LSAMP: variants seen among roughly 807,000 people sequenced by gnomAD.
The protein encoded by LSAMP is limbic system-associated membrane protein.
Under a neutral mutation model 38.6 loss-of-function variants are expected in LSAMP, and 7 were observed. That is an observed-to-expected ratio of 0.18 (90% CI 0.10 to 0.34). The LOEUF is 0.34. Ranked by LOEUF, LSAMP falls within the 10% of genes least tolerant of loss-of-function variation. The pLI, the probability that LSAMP is intolerant of heterozygous loss-of-function variation, is 1.00. For missense variants in LSAMP, 313 were observed against 420.0 expected (o/e 0.75, Z 2.23); for synonymous variants, 154 against 166.8 (o/e 0.92, Z 0.59).
At chr3:116,019,751 G>T (rs1940586287) in intron 2 of LSAMP, 111 bp from the exon 3 acceptor site, 3 of 1,190,976 alleles carry the variant, frequency 2.5e-6, no homozygotes, top group Non-Finnish European at 3.6e-6. Flanking sequence ...TTGAATTTCT[G>T]TGTTAAGAAG....
At chr3:115,859,001 A>G (rs1935591700) in intron 3 of LSAMP, among the ~76,000 whole-genome samples, 1 of 152,222 alleles carries the variant, frequency 6.6e-6, no homozygotes, top group Non-Finnish European at 1.5e-5. Context: ...CACGTTCTAC[A>G]CAAAAATGCT....
intron 1 of LSAMP, among the ~76,000 whole-genome samples, chr3:116,431,637 A>C (rs2049282547): frequency 1.3e-5 from 2 of 152,092 alleles, no homozygotes; most frequent in Non-Finnish European, 1.5e-5. Context: ...TCAGTCTTAC[A>C]GCTGAACTTG....
intron 1 of LSAMP, among the ~76,000 whole-genome samples, chr3:116,287,013 C>T (rs2047203821): frequency 6.6e-6 from 1 of 152,018 alleles, no homozygotes; most frequent in Non-Finnish European, 1.5e-5. Context: ...TGGAATATTC[C>T]TCTCCAGTCT....
At chr3:116,317,873 C>T (rs916805222) in intron 1 of LSAMP, among the ~76,000 whole-genome samples, 2 of 151,424 alleles carry the variant, frequency 1.3e-5, no homozygotes, top group African/African-American at 4.8e-5. Flanking sequence ...CGGTGGCTCA[C>T]GGCTGTAATC....
intron 3 of LSAMP, among the ~76,000 whole-genome samples, chr3:115,878,816 C>T (rs67884350): frequency 0.14 from 21,866 of 151,818 alleles, 1,874 homozygotes; most frequent in African/African-American, 0.24. Flanking sequence ...CAATGGTGGC[C>T]CATGTCACCA....
At chr3:116,011,872 G>A (rs890478218) in intron 3 of LSAMP, among the ~76,000 whole-genome samples, 1 of 152,112 alleles carries the variant, frequency 6.6e-6, no homozygotes, top group African/African-American at 2.4e-5. Context: ...CTTTGCTTCT[G>A]ACAACCCTGG....
intron 1 of LSAMP, among the ~76,000 whole-genome samples, chr3:116,101,878 C>A (rs1708355544): frequency 6.6e-6 from 1 of 151,990 alleles, no homozygotes; most frequent in South Asian, 2.1e-4. Context: ...GACTTAGAGG[C>A]TTATATTTAA....
At chr3:116,325,591 C>A (rs1171112595) in intron 1 of LSAMP, among the ~76,000 whole-genome samples, 5 of 152,116 alleles carry the variant, frequency 3.3e-5, no homozygotes, top group African/African-American at 4.8e-5. Context: ...ATAACAGGAA[C>A]AAACAGAAGA....
chr3:116,368,632 G>C (rs1458033027), intron 1 of LSAMP, among the ~76,000 whole-genome samples: 3 of 152,144 alleles, frequency 2.0e-5, no homozygotes, highest in Admixed American at 2.0e-4. Flanking sequence ...TCAACAAGCT[G>C]TTTCAGTCAA....
intron 6 of LSAMP, among the ~76,000 whole-genome samples, chr3:115,819,439 A>G (rs1380504521): frequency 2.6e-5 from 4 of 151,966 alleles, no homozygotes; most frequent in African/African-American, 4.8e-5. Context: ...AAAAAAAAAA[A>G]GTGACAGGAA....
chr3:115,854,929 T>C (rs967432069), intron 3 of LSAMP, among the ~76,000 whole-genome samples: 1 of 152,218 alleles, frequency 6.6e-6, no homozygotes, highest in African/African-American at 2.4e-5. Context: ...AGAATAATGG[T>C]AAATTTTAAT....
intron 1 of LSAMP, among the ~76,000 whole-genome samples, chr3:116,427,399 C>T (rs1029395717): frequency 1.3e-5 from 2 of 152,012 alleles, no homozygotes; most frequent in African/African-American, 4.8e-5. Context: ...GGATTACAGG[C>T]GTGAGCCACC....
At chr3:116,264,766 T>C (rs527363785) in intron 1 of LSAMP, among the ~76,000 whole-genome samples, 1 of 152,286 alleles carries the variant, frequency 6.6e-6, no homozygotes, top group African/African-American at 2.4e-5. Flanking sequence ...CTTGCCCAGC[T>C]ATTTTCTAAT....
intron 3 of LSAMP, among the ~76,000 whole-genome samples, chr3:115,931,665 T>A (rs1576230491): frequency 6.6e-6 from 1 of 152,344 alleles, no homozygotes; most frequent in Middle Eastern, 3.4e-3. Flanking sequence ...GAAAGATGCA[T>A]GGAATATCTA....
chr3:115,832,629 TA>T (rs1383665236), intron 6 of LSAMP, among the ~76,000 whole-genome samples: 1 of 152,184 alleles, frequency 6.6e-6, no homozygotes. Context: ...AAAGTCCTTG[TA>T]AAGAACAGAA....
chr3:116,374,823 T>C (rs1017262964), intron 1 of LSAMP, among the ~76,000 whole-genome samples: 7 of 151,788 alleles, frequency 4.6e-5, no homozygotes, highest in Non-Finnish European at 1.0e-4. Flanking sequence ...AACTGAAAGA[T>C]CACAAACTGA....
At chr3:116,116,883 C>T (rs1160700498) in intron 1 of LSAMP, among the ~76,000 whole-genome samples, 2 of 152,100 alleles carry the variant, frequency 1.3e-5, no homozygotes, top group East Asian at 1.9e-4. Context: ...TTCTAACCAG[C>T]CCTATCAAGC....
At chr3:116,142,739 G>A (rs1709397980) in intron 1 of LSAMP, among the ~76,000 whole-genome samples, 1 of 151,918 alleles carries the variant, frequency 6.6e-6, no homozygotes, top group Non-Finnish European at 1.5e-5. Flanking sequence ...ACTATGGCCT[G>A]TTACAGAGTG....
chr3:115,886,061 G>A (rs1468613190), intron 3 of LSAMP, among the ~76,000 whole-genome samples: 2 of 151,978 alleles, frequency 1.3e-5, no homozygotes, highest in African/African-American at 4.8e-5. Context: ...AGGAGTTCTA[G>A]TGTTTGAGGA....
Sources: allele counts gnomAD v4.1 joint callset (sites outside exome capture counted in the v4.1 genomes callset), GRCh38; gene constraint gnomAD v4.1.1; transcripts MANE v1.5; gene names NCBI Gene and HGNC (gene_info 2026-07-23, HGNC 2026-07-21).